The following UBE2QL1 variants were observed in gnomAD, a reference collection of about 807,000 sequenced individuals.
UBE2QL1 encodes ubiquitin-conjugating enzyme E2Q-like protein 1.
Under a neutral mutation model 12.6 loss-of-function variants are expected in UBE2QL1, and 5 were observed. That is an observed-to-expected ratio of 0.40 (90% confidence interval 0.21 to 0.83). The LOEUF is 0.83. Ranked by LOEUF, UBE2QL1 falls within the 40% of genes least tolerant of loss-of-function variation. UBE2QL1 has a pLI of 0.37. For synonymous variants in UBE2QL1, 96 were observed against 94.5 expected (o/e 1.02, Z -0.10); for missense variants, 99 against 222.6 (o/e 0.44, Z 3.53).
At position 6,492,466 on chromosome 5, in the gene UBE2QL1, G is replaced by C. The variant is rs896323382; in HGVS notation, c.*1117G>C. The C allele has an allele frequency of 2.0e-5, 3 of 152,058 alleles. No homozygotes were observed. Among genetic ancestry groups the C allele is most frequent in the Non-Finnish European group, 4.4e-5 (3 of 68,018 alleles). 9.4% of individuals were successfully genotyped at this position (152,058 alleles called of 1,614,324 possible). On this transcript the variant is annotated 3_prime_UTR_variant, in exon 2 of 2. Transcript: ENST00000399816. ...CATTTTTCTCTTCTGTTAATACTTA[G>C]AACTTTCTAAGAAACTCCATGAAAT...
In UBE2QL1 at chr5:6,491,374, C is replaced by G; in HGVS notation, c.*25C>G. 1.3e-6 allele frequency: 2 copies of G among 1,536,938 alleles called. No individual in the cohort carries two copies. Among genetic ancestry groups the G allele is most frequent in the Non-Finnish European group, 1.8e-6 (2 of 1,140,858 alleles). ...ATGTCTGCCACGTGCAGTAGACGCT[C>G]GAGCGCCTGTCCACACACACACCAG... On this transcript the variant is annotated 3_prime_UTR_variant, in exon 2 of 2. Transcript: ENST00000399816.
intron 1 of UBE2QL1, among the ~76,000 whole-genome samples, chr5:6,480,354 G>C (rs1263654566): frequency 6.6e-6 from 1 of 152,240 alleles, no homozygotes; most frequent in Non-Finnish European, 1.5e-5. Context: ...GTATGGTTCA[G>C]TGAGAGTGTT....
chr5:6,471,219 A>G (rs1345599332), intron 1 of UBE2QL1, among the ~76,000 whole-genome samples: 2 of 152,156 alleles, frequency 1.3e-5, no homozygotes, highest in Non-Finnish European at 2.9e-5. Context: ...AGCCCTCAGC[A>G]TTGGTTATCT....
chr5:6,465,653 C>A (rs1279346496), intron 1 of UBE2QL1, among the ~76,000 whole-genome samples: 1 of 152,122 alleles, frequency 6.6e-6, no homozygotes, highest in Non-Finnish European at 1.5e-5. Flanking sequence ...CCCCTCTCCG[C>A]CCCCAGCAAT....
chr5:6,455,707 ACGCTGG>A (rs1176301524), intron 1 of UBE2QL1, among the ~76,000 whole-genome samples: 3 of 152,072 alleles, frequency 2.0e-5, no homozygotes, highest in Admixed American at 2.0e-4. Context: ...AAGCTGCCTG[ACGCTGG>A]CCATGGTCCA....
At chr5:6,452,022 T>G (rs1739421670) in intron 1 of UBE2QL1, among the ~76,000 whole-genome samples, 1 of 152,216 alleles carries the variant, frequency 6.6e-6, no homozygotes, top group South Asian at 2.1e-4. Context: ...ATTTCTTTTT[T>G]AGGATGCATT....
At position 6,476,021 on chromosome 5, in the gene UBE2QL1, T is replaced by C. The variant is rs113868627; in HGVS notation, c.355-15197T>C. On this transcript the variant is annotated intron_variant, in intron 1 of 1. Transcript: ENST00000399816. The surrounding 1 kb of genome is among the most constrained non-coding windows in gnomAD (Gnocchi z 4.9). ...ATTTTTTAAAGTATATTAGGATAAC[T>C]TGTGATAAGTTCATCACACCCACTG... is the stretch of plus-strand genomic sequence containing the variant. 3.9e-5 allele frequency among the ~76,000 whole-genome samples: 6 copies of C among 152,316 alleles called. 1 individual carries two copies. The highest frequency in any genetic ancestry group is 1.4e-4 in the African/African-American group (6 of 41,582).
rs1352009586 is a variant in UBE2QL1, at chr5:6,481,615, C to G, written c.355-9603C>G. 6.6e-6 allele frequency among the ~76,000 whole-genome samples: 1 copy of G among 152,232 alleles called. No individual in the cohort carries two copies. Among genetic ancestry groups the G allele is most frequent in the Admixed American group, 6.5e-5 (1 of 15,290 alleles). On this transcript the variant is annotated intron_variant, in intron 1 of 1. Transcript: ENST00000399816. This position sits in a 1 kb window ranked among gnomAD's most constrained non-coding sequence, Gnocchi z 4.5. ...ACCCAAACAGAACTCAGTATCTTATCCTAGAAACCTGTTCCTCCTGGGTCA... is the reference window on the plus strand; with the variant it reads ...ACCCAAACAGAACTCAGTATCTTATGCTAGAAACCTGTTCCTCCTGGGTCA...
chr5:6,483,541 G>A (rs1486623006), intron 1 of UBE2QL1, among the ~76,000 whole-genome samples: 1 of 152,190 alleles, frequency 6.6e-6, no homozygotes, highest in Non-Finnish European at 1.5e-5. Context: ...GGCGCAGCCA[G>A]CCTTCTTCCT....
intron 1 of UBE2QL1, among the ~76,000 whole-genome samples, chr5:6,459,369 G>A (rs1287164065): frequency 6.6e-6 from 1 of 152,124 alleles, no homozygotes; most frequent in Admixed American, 6.5e-5. Flanking sequence ...GGGTATCCTG[G>A]CATCTGCCTT....
chr5:6,484,293 G>A (rs1469401902), intron 1 of UBE2QL1, among the ~76,000 whole-genome samples: 1 of 152,206 alleles, frequency 6.6e-6, no homozygotes, highest in Non-Finnish European at 1.5e-5. Flanking sequence ...GTTTCCTGGA[G>A]GAAGTCGCCC....
chr5:6,449,359 C>A, intron 1 of UBE2QL1, 112 bp downstream of exon 1: 2 of 1,062,846 alleles, frequency 1.9e-6, no homozygotes, highest in Non-Finnish European at 2.4e-6. Context: ...GGCCATCTCG[C>A]TCCCTGCTCT....
At chr5:6,474,019 A>G (rs1734157935) in intron 1 of UBE2QL1, among the ~76,000 whole-genome samples, 2 of 152,342 alleles carry the variant, frequency 1.3e-5, no homozygotes, top group South Asian at 4.1e-4. Context: ...TGCAAACATA[A>G]CATATTGCAT....
chr5:6,491,630 T>C lies in UBE2QL1; in HGVS notation c.*281T>C. ...TGACATTTCCCAGCCTGCCTGCCCC[T>C]CTGCCCACCCCGGTCACATTGCCCT... is the stretch of plus-strand genomic sequence containing the variant. On this transcript the variant is annotated 3_prime_UTR_variant, in exon 2 of 2. Coordinates refer to ENST00000399816, the MANE Select transcript of UBE2QL1 (RefSeq NM_001145161.3). The C allele has an allele frequency of 4.1e-6, 1 of 243,250 alleles. No homozygotes were observed. Among genetic ancestry groups the C allele is most frequent in the Non-Finnish European group, 7.7e-6 (1 of 129,430 alleles). The allele number at this position is 243,250 out of a possible 1,614,324, so 15.1% of individuals were successfully genotyped here. A position where few individuals can be genotyped will look rare whatever the true frequency, so the allele number is the denominator to read the frequency against.
chr5:6,471,838 A>G (rs1307685539), intron 1 of UBE2QL1, among the ~76,000 whole-genome samples: 1 of 152,210 alleles, frequency 6.6e-6, no homozygotes, highest in African/African-American at 2.4e-5. Flanking sequence ...ATGTATATAT[A>G]AACTATCACA....
chr5:6,453,182 T>A (rs896094628), intron 1 of UBE2QL1, among the ~76,000 whole-genome samples: 33 of 152,210 alleles, frequency 2.2e-4, no homozygotes, highest in African/African-American at 7.5e-4. Context: ...TTCTGCTCTT[T>A]TGATGGTCGT....
chr5:6,464,640 A>T (rs1010140894), intron 1 of UBE2QL1, among the ~76,000 whole-genome samples: 1 of 152,238 alleles, frequency 6.6e-6, no homozygotes, highest in African/African-American at 2.4e-5. Context: ...ACATGCTGGC[A>T]GCCAGCAGGC....
At position 6,495,465 on chromosome 5, in the gene UBE2QL1, G is replaced by T. The variant is rs546381640; in HGVS notation, c.*4116G>T. On this transcript the variant is annotated 3_prime_UTR_variant, in exon 2 of 2. Transcript: ENST00000399816. ...GAGGCGAGCCCAGAGACTTTGAGGG[G>T]CTTGTCCACAGTAGGACAGGAGCCA... Among the ~76,000 whole-genome samples, 3 of 152,300 alleles carry T rather than the reference G, an allele frequency of 2.0e-5. No homozygotes were observed. The highest frequency in any genetic ancestry group is 1.3e-4 in the Admixed American group (2 of 15,308).
At chr5:6,452,104 A>G (rs1326562895) in intron 1 of UBE2QL1, among the ~76,000 whole-genome samples, 1 of 152,248 alleles carries the variant, frequency 6.6e-6, no homozygotes, top group Non-Finnish European at 1.5e-5. Context: ...GCTCAGCTGA[A>G]CTTTGTGAAT....
Sources: allele counts gnomAD v4.1 joint callset (sites outside exome capture counted in the v4.1 genomes callset), GRCh38; gene constraint gnomAD v4.1.1; non-coding constraint Gnocchi (gnomAD v3.1); transcripts MANE v1.5; gene names NCBI Gene and HGNC (gene_info 2026-07-23, HGNC 2026-07-21).